Variants in PTPRR observed in about 807,000 individuals in gnomAD.
PTPRR encodes the protein protein tyrosine phosphatase receptor type R.
Under a neutral mutation model 77.2 loss-of-function variants are expected in PTPRR, and 38 were observed. That is an observed-to-expected ratio of 0.49 (90% confidence interval 0.38 to 0.65). The LOEUF is 0.65. Among genes scored for constraint, PTPRR ranks in the 30% least tolerant of loss-of-function variants. PTPRR has a pLI of 0.00. For synonymous variants in PTPRR, 299 were observed against 283.1 expected, an observed-to-expected ratio of 1.06 and a Z score of -0.57; for missense variants, 744 against 799.2, an observed-to-expected ratio of 0.93 and a Z score of 0.83.
At chr12:70,742,734 C>T (rs1368983371) in intron 6 of PTPRR, among the ~76,000 whole-genome samples, 3 of 151,902 alleles carry the variant, frequency 2.0e-5, no homozygotes, top group African/African-American at 7.3e-5. Flanking sequence ...AGGAGACTGG[C>T]TAGAATTAGG....
intron 10 of PTPRR, among the ~76,000 whole-genome samples, chr12:70,667,227 A>C (rs1887045271): frequency 6.6e-6 from 1 of 152,088 alleles, no homozygotes; most frequent in Non-Finnish European, 1.5e-5. Flanking sequence ...AAGTGCTAGG[A>C]TTGCAGGCAT....
chr12:70,739,873 G>A (rs543135271), intron 6 of PTPRR, among the ~76,000 whole-genome samples: 2 of 152,156 alleles, frequency 1.3e-5, no homozygotes, highest in Non-Finnish European at 2.9e-5. Flanking sequence ...GGACAGGAGC[G>A]CAGCACTCAG....
At chr12:70,868,373 A>G (rs56269277) in intron 2 of PTPRR, among the ~76,000 whole-genome samples, 79,037 of 133,370 alleles carry the variant, frequency 0.59, 21,095 homozygotes, top group African/African-American at 0.67. Flanking sequence ...AAAAAGTGGG[A>G]AAGGATATGA....
intron 2 of PTPRR, among the ~76,000 whole-genome samples, chr12:70,848,255 G>A (rs564347665): frequency 4.7e-4 from 72 of 152,262 alleles, no homozygotes; most frequent in African/African-American, 1.2e-3. Flanking sequence ...ATAGTTATCC[G>A]GTTCTATGAC....
rs77684087 is a variant in PTPRR, at chr12:70,744,096, C to A, written c.1007+1722G>T. ...TGTGCTTCAAAGTTCCTCTTTGAAG[C>A]AAACATAAAAGCACAAAAATAATGT... On this transcript the variant is annotated intron_variant, in intron 6 of 13. Transcript: ENST00000283228. 4.2e-3 allele frequency among the ~76,000 whole-genome samples: 633 copies of A among 152,096 alleles called. 8 individuals carry two copies. Among genetic ancestry groups the A allele is most frequent in the African/African-American group, 0.014 (585 of 41,496 alleles).
intron 1 of PTPRR, among the ~76,000 whole-genome samples, chr12:70,912,916 G>A (rs1422778173): frequency 1.3e-5 from 2 of 152,044 alleles, no homozygotes; most frequent in Non-Finnish European, 2.9e-5. Flanking sequence ...AAGTGTGTCA[G>A]CATTTGTAAA....
In PTPRR at chr12:70,754,834, T is replaced by G. The variant is rs1483113873; in HGVS notation, c.628-533A>C. ...CATCTTTTTTTTTTTTCAAATAGAGTCTCTGCTGTCAAAACCTGACTAAAA... is the reference window on the plus strand; with the variant it reads ...CATCTTTTTTTTTTTTCAAATAGAGGCTCTGCTGTCAAAACCTGACTAAAA... On this transcript the variant is annotated intron_variant, in intron 4 of 13. Coordinates refer to ENST00000283228, the MANE Select transcript of PTPRR (RefSeq NM_002849.4). The G allele has an allele frequency of 1.9e-4, 224 of 1,181,764 alleles. 1 individual carries two copies. The East Asian group carries it at 6.2e-3, about 33-fold the overall frequency. The allele number at this position is 1,181,764 out of a possible 1,614,324, so 73.2% of individuals were successfully genotyped here.
chr12:70,828,391 T>A lies in PTPRR; in HGVS notation c.358-63613A>T, dbSNP rs138465182. Among the ~76,000 whole-genome samples, 9 of 152,328 alleles carry A rather than the reference T, an allele frequency of 5.9e-5. No individual in the cohort carries two copies. The East Asian group carries it at 1.4e-3, about 23-fold the overall frequency. ...TTCTTCAGTCCACATATAGTTATAC[T>A]AACTCCTGCAATATTCAAAGATTAC... On this transcript the variant is annotated intron_variant, in intron 2 of 13. Coordinates refer to ENST00000283228, the MANE Select transcript of PTPRR (RefSeq NM_002849.4).
At chr12:70,899,933 C>T (rs1893502373) in intron 1 of PTPRR, among the ~76,000 whole-genome samples, 1 of 151,182 alleles carries the variant, frequency 6.6e-6, no homozygotes, top group South Asian at 2.1e-4. Context: ...AACAAACTGA[C>T]CCAAAAATAA....
intron 13 of PTPRR, among the ~76,000 whole-genome samples, chr12:70,652,022 T>A (rs546744473): frequency 1.3e-5 from 2 of 152,226 alleles, no homozygotes; most frequent in Admixed American, 6.5e-5. Context: ...ACATTCTGTA[T>A]GTATTAAATA....
At chr12:70,902,999 G>A (rs1283189999) in intron 1 of PTPRR, among the ~76,000 whole-genome samples, 1 of 151,796 alleles carries the variant, frequency 6.6e-6, no homozygotes, top group African/African-American at 2.4e-5. Context: ...ATTATGCTGA[G>A]TGAAATAAGG....
At chr12:70,664,536 G>C (rs1886910975) in intron 10 of PTPRR, 1 of 152,232 alleles carries the variant, frequency 6.6e-6, no homozygotes. Context: ...TCAGACCTGA[G>C]CAGCAGGGCC....
intron 2 of PTPRR, 148 bp from the exon 3 acceptor site, chr12:70,764,926 A>G: frequency 1.6e-6 from 1 of 613,012 alleles, no homozygotes; most frequent in Non-Finnish European, 2.9e-6. Flanking sequence ...CTAAGTTTAC[A>G]CTAATAATGC....
At chr12:70,650,590 T>G (rs907460403) in intron 13 of PTPRR, among the ~76,000 whole-genome samples, 12 of 152,048 alleles carry the variant, frequency 7.9e-5, no homozygotes, top group African/African-American at 2.4e-4. Flanking sequence ...AGAAGGACAA[T>G]CTGGGAAACT....
intron 3 of PTPRR, among the ~76,000 whole-genome samples, chr12:70,762,312 CAG>C (rs927100708): frequency 6.6e-6 from 1 of 151,866 alleles, no homozygotes; most frequent in Admixed American, 6.6e-5. Context: ...CACACACACA[CAG>C]AGAGCAGACA....
At chr12:70,725,481 G>A (rs965012655) in intron 6 of PTPRR, among the ~76,000 whole-genome samples, 1 of 152,028 alleles carries the variant, frequency 6.6e-6, no homozygotes, top group Admixed American at 6.6e-5. Context: ...TTTTAGCCAG[G>A]AAATAGAAGT....
At position 70,821,310 on chromosome 12, in the gene PTPRR, C is replaced by T. The variant is rs189028925; in HGVS notation, c.358-56532G>A. Among the ~76,000 whole-genome samples, 137 of 143,790 alleles carry T rather than the reference C, an allele frequency of 9.5e-4. 2 individuals are homozygous for T. The highest frequency in any genetic ancestry group is 2.8e-3 in the African/African-American group (112 of 39,864). The allele number at this position is 143,790 out of a possible 152,430, so 94.3% of individuals were successfully genotyped here. On this transcript the variant is annotated intron_variant, in intron 2 of 13. Transcript: ENST00000283228. ...CACAATCTTGGCTCACTGAAACTTC[C>T]GCCTCCCGGGTACAAGTGATTCTCC...
At chr12:70,872,296 C>G (rs1346150887) in intron 2 of PTPRR, among the ~76,000 whole-genome samples, 1 of 152,076 alleles carries the variant, frequency 6.6e-6, no homozygotes, top group African/African-American at 2.4e-5. Flanking sequence ...CATGTGGACA[C>G]TGGAAATGGT....
chr12:70,873,887 T>A (rs1009584683), intron 2 of PTPRR, among the ~76,000 whole-genome samples: 5 of 152,200 alleles, frequency 3.3e-5, no homozygotes, highest in African/African-American at 1.2e-4. Context: ...TGTGGGTAAG[T>A]GTAAACATAC....
Sources: allele counts gnomAD v4.1 joint callset (sites outside exome capture counted in the v4.1 genomes callset), GRCh38; gene constraint gnomAD v4.1.1; transcripts MANE v1.5; gene names NCBI Gene and HGNC (gene_info 2026-07-23, HGNC 2026-07-21).